Variants in GRAMD2B observed in about 807,000 individuals in gnomAD.
The protein encoded by GRAMD2B is GRAM domain-containing protein 2B.
In GRAMD2B, 41 loss-of-function variants were observed where a neutral mutation model predicts 59.2. That is an observed-to-expected ratio of 0.69 (90% CI 0.54 to 0.90). The LOEUF (loss-of-function observed/expected upper bound fraction) is 0.90, where lower values mean the gene tolerates loss of function less well. Among genes scored for constraint, GRAMD2B ranks in the 40% least tolerant of loss-of-function variants. The pLI, the probability that GRAMD2B is intolerant of heterozygous loss-of-function variation, is 0.00. For missense variants in GRAMD2B, 424 were observed against 500.5 expected (o/e 0.85, Z 1.46); for synonymous variants, 161 against 182.7 (o/e 0.88, Z 0.96).
chr5:126,369,809 C>A (rs918448727), upstream of GRAMD2B, among the ~76,000 whole-genome samples: 2 of 152,202 alleles, frequency 1.3e-5, no homozygotes, highest in Admixed American at 6.5e-5. Flanking sequence ...CAGAGAGTAA[C>A]AGACTACATT....
At chr5:126,451,816 C>T (rs1298199549) in intron 1 of GRAMD2B, among the ~76,000 whole-genome samples, 1 of 152,130 alleles carries the variant, frequency 6.6e-6, no homozygotes, top group Non-Finnish European at 1.5e-5. Flanking sequence ...GGATCCTTCA[C>T]AAATGGGTTT....
chr5:126,401,762 A>T (rs775594945), intron 1 of GRAMD2B, among the ~76,000 whole-genome samples: 3 of 152,094 alleles, frequency 2.0e-5, no homozygotes, highest in African/African-American at 7.2e-5. Context: ...TTACTACCAT[A>T]TAGAAAAATG....
intron 1 of GRAMD2B, among the ~76,000 whole-genome samples, chr5:126,403,868 C>A (rs1458158094): frequency 6.6e-6 from 1 of 151,728 alleles, no homozygotes; most frequent in Non-Finnish European, 1.5e-5. Flanking sequence ...CTATCTGGAA[C>A]AAACCAACTT....
upstream of GRAMD2B, among the ~76,000 whole-genome samples, chr5:126,368,894 G>A (rs1754596932): frequency 6.6e-6 from 1 of 152,136 alleles, no homozygotes; most frequent in Admixed American, 6.5e-5. Flanking sequence ...GGAGTAATGG[G>A]ACCAACTCAT....
In GRAMD2B at chr5:126,486,895, A is replaced by C. The variant is rs1773052156; in HGVS notation, c.1081A>C (p.Thr361Pro). Reference sequence around the variant, plus strand: ...CAGTGTCTGTGCACTAATCATCTCGACCTTCTACATGAGATACAGAATTAA... The same window carrying C: ...CAGTGTCTGTGCACTAATCATCTCGCCCTTCTACATGAGATACAGAATTAA... ...AIVVCALIISTFYMRYRINTL... is the reference protein window; with the variant it reads ...AIVVCALIISPFYMRYRINTL... The change falls in exon 12 of 14, where the codon ACC becomes CCC. Residue 361 changes from threonine to proline, a missense_variant. Physicochemically the swap from Thr to Pro is conservative, Grantham distance 38. Coordinates refer to ENST00000285689, the MANE Select transcript of GRAMD2B (RefSeq NM_023927.4). 1 of 1,611,488 alleles carries C rather than the reference A, an allele frequency of 6.2e-7. No individual in the cohort carries two copies. The highest frequency in any genetic ancestry group is 8.5e-7 in the Non-Finnish European group (1 of 1,178,094).
At chr5:126,379,943 T>C (rs936313393) in intron 1 of GRAMD2B, among the ~76,000 whole-genome samples, 34 of 152,356 alleles carry the variant, frequency 2.2e-4, no homozygotes, top group African/African-American at 8.2e-4. Flanking sequence ...TTGTTTTTGT[T>C]GCATTGGCTT....
intron 5 of GRAMD2B, 39 bp downstream of exon 5, chr5:126,473,407 T>G: frequency 1.6e-6 from 1 of 637,660 alleles, no homozygotes; most frequent in Admixed American, 3.0e-5. Context: ...ACCCTATACT[T>G]TATTATATAT....
chr5:126,375,892 A>C (rs762782998), intron 1 of GRAMD2B, among the ~76,000 whole-genome samples: 4 of 152,182 alleles, frequency 2.6e-5, no homozygotes, highest in Non-Finnish European at 5.9e-5. Flanking sequence ...GCCTCCATTG[A>C]GTTAATCCCC....
At position 126,423,775 on chromosome 5, in the gene GRAMD2B, TGCGGA is replaced by T; in HGVS notation, c.83+87_83+91del. The T allele has an allele frequency of 2.2e-6, 3 of 1,346,406 alleles. 1 individual carries two copies. In the South Asian group the frequency reaches 4.2e-5, roughly 19 times the overall value. 83.4% of individuals were successfully genotyped at this position (1,346,406 alleles called of 1,614,324 possible). Reference sequence around the variant, plus strand: ...TGCCCCGGGACGCATTTTGGGTGGATGCGGATTTCTGGAGCTCCTATATGGACAAT... The same window carrying T: ...TGCCCCGGGACGCATTTTGGGTGGATTTTCTGGAGCTCCTATATGGACAAT... On this transcript the variant is annotated intron_variant, in intron 1 of 13. Transcript: ENST00000285689.
At chr5:126,454,264 T>C (rs746112917) in intron 1 of GRAMD2B, among the ~76,000 whole-genome samples, 16 of 152,184 alleles carry the variant, frequency 1.1e-4, no homozygotes, top group Admixed American at 2.6e-4. Context: ...TCTGGAGCAG[T>C]GGCATGACAT....
intron 1 of GRAMD2B, among the ~76,000 whole-genome samples, chr5:126,450,491 G>A (rs1031380699): frequency 6.6e-5 from 10 of 151,812 alleles, no homozygotes; most frequent in East Asian, 1.9e-4. Context: ...TTGTATTAAC[G>A]TAATGAAACA....
intron 1 of GRAMD2B, among the ~76,000 whole-genome samples, chr5:126,410,052 C>G (rs1758642666): frequency 6.6e-6 from 1 of 151,788 alleles, no homozygotes; most frequent in East Asian, 1.9e-4. Flanking sequence ...ATCTATATCT[C>G]TGTTTTGGTA....
At chr5:126,422,988 T>C (rs112566060), upstream of GRAMD2B, among the ~76,000 whole-genome samples, 3,218 of 151,368 alleles carry the variant, frequency 0.021, 111 homozygotes, top group African/African-American at 0.075. Context: ...CCTTTGTTAT[T>C]CCCACATAAA....
intron 1 of GRAMD2B, among the ~76,000 whole-genome samples, chr5:126,432,940 A>G (rs990235088): frequency 1.3e-5 from 2 of 152,212 alleles, no homozygotes; most frequent in African/African-American, 2.4e-5. Flanking sequence ...TTGACAGTTG[A>G]TGATGAACAG....
chr5:126,363,590 G>T (rs1754316273), intron 1 of GRAMD2B, among the ~76,000 whole-genome samples: 1 of 152,106 alleles, frequency 6.6e-6, no homozygotes, highest in African/African-American at 2.4e-5. Context: ...ATACAATGTG[G>T]TATATCCATA....
rs575843876 is a variant in GRAMD2B at position 126,403,858 on chromosome 5, C to T, written c.125+32291C>T. Among the ~76,000 whole-genome samples, 14 of 151,776 alleles carry T rather than the reference C, an allele frequency of 9.2e-5. No homozygotes were observed. The South Asian group carries it at 2.9e-3, about 31-fold the overall frequency. On this transcript the variant is annotated intron_variant, in intron 1 of 8. Transcript: ENST00000506445. Reference sequence around the variant, plus strand: ...CCAAGTTCTGCTAATAAGGAAGAGGCTATCTGGAACAAACCAACTTATAAA... The same window carrying T: ...CCAAGTTCTGCTAATAAGGAAGAGGTTATCTGGAACAAACCAACTTATAAA...
intron 1 of GRAMD2B, among the ~76,000 whole-genome samples, chr5:126,443,231 C>A (rs1005047832): frequency 1.3e-5 from 2 of 152,180 alleles, no homozygotes; most frequent in Non-Finnish European, 2.9e-5. Flanking sequence ...CTAAGAAGTG[C>A]ATTTTTACAA....
intron 10 of GRAMD2B, among the ~76,000 whole-genome samples, chr5:126,485,132 T>A (rs1301022963): frequency 6.6e-6 from 1 of 152,030 alleles, no homozygotes; most frequent in African/African-American, 2.4e-5. Flanking sequence ...GTGGGAGGAT[T>A]GCTTGAGTCC....
chr5:126,406,079 A>G lies in GRAMD2B; in HGVS notation c.125+34512A>G, dbSNP rs572413453. ...AAAAGGAGGCATTTATCCACAGAAA[A>G]AAAGTAAATATAGAGACAAAGATCA... On this transcript the variant is annotated intron_variant, in intron 1 of 8. Coordinates refer to the GRAMD2B transcript ENST00000506445. 6.6e-5 allele frequency among the ~76,000 whole-genome samples: 10 copies of G among 152,140 alleles called. No homozygotes were observed. In the South Asian group the frequency reaches 2.1e-3, roughly 31 times the overall value.
Sources: allele counts gnomAD v4.1 joint callset (sites outside exome capture counted in the v4.1 genomes callset), GRCh38; gene constraint gnomAD v4.1.1; transcripts MANE v1.5; gene names NCBI Gene and HGNC (gene_info 2026-07-23, HGNC 2026-07-21).